Variants in UNC13C observed in about 807,000 individuals in gnomAD.
UNC13C encodes the protein protein unc-13 homolog C.
UNC13C carries 174 observed loss-of-function variants against 245.4 expected under a neutral mutation model. The ratio of observed to expected loss-of-function variants is 0.71; its 90% confidence interval spans 0.63 to 0.80. UNC13C has a LOEUF of 0.80. Among genes scored for constraint, UNC13C ranks in the 30% least tolerant of loss-of-function variants. The probability of loss-of-function intolerance (pLI) is 0.00; values close to 1 mark genes in which losing one functional copy is unlikely to be tolerated. For missense variants in UNC13C, 2,829 were observed against 2,602.9 expected, an observed-to-expected ratio of 1.09 and a Z score of -1.89; for synonymous variants, 992 against 895.1, an observed-to-expected ratio of 1.11 and a Z score of -1.93.
chr15:54,059,214 C>G lies in UNC13C; in HGVS notation c.2983+43328C>G, dbSNP rs543462007. Among the ~76,000 whole-genome samples the G allele has an allele frequency of 1.1e-3, 6 of 5,690 alleles. No homozygotes were observed. In the East Asian group the frequency reaches 0.38, roughly 356 times the overall value. The allele number at this position is 5,690 out of a possible 152,430, so 3.7% of individuals were successfully genotyped here. A position where few individuals can be genotyped will look rare whatever the true frequency, so the allele number is the denominator to read the frequency against. On this transcript the variant is annotated intron_variant, in intron 2 of 32. Coordinates refer to ENST00000260323, the MANE Select transcript of UNC13C (RefSeq NM_001080534.3). ...GACATGATTGTTTATCGAGAAAACC[C>G]CATTAGCCTCAGCCCAAAATCCCCT... is the stretch of plus-strand genomic sequence containing the variant.
chr15:54,440,090 C>A (rs1890435123), intron 19 of UNC13C, among the ~76,000 whole-genome samples: 1 of 151,718 alleles, frequency 6.6e-6, no homozygotes, highest in African/African-American at 2.4e-5. Flanking sequence ...GTGGGTTCCC[C>A]CATGCTGTTT....
chr15:54,440,546 C>G (rs1192240561), intron 19 of UNC13C, among the ~76,000 whole-genome samples: 1 of 151,954 alleles, frequency 6.6e-6, no homozygotes, highest in African/African-American at 2.4e-5. Flanking sequence ...CCATCTTTAT[C>G]CATCCATCCA....
intron 2 of UNC13C, among the ~76,000 whole-genome samples, chr15:54,080,021 T>TTTTTTTA (rs869267481): frequency 2.7e-5 from 4 of 149,188 alleles, no homozygotes; most frequent in South Asian, 2.1e-4. Context: ...TTTTTTTTTT[T>TTTTTTTA]ATCATAAAGT....
chr15:54,479,808 G>A (rs1893002542), intron 19 of UNC13C, among the ~76,000 whole-genome samples: 2 of 151,764 alleles, frequency 1.3e-5, no homozygotes, highest in South Asian at 4.1e-4. Context: ...CCAAATATAG[G>A]GATTCCTTAA....
At chr15:53,906,985 C>T in the UNC13C span, among the ~76,000 whole-genome samples, 2 of 152,040 alleles carry the variant, frequency 1.3e-5, no homozygotes, top group African/African-American at 4.8e-5. Context: ...ATCCAACCAC[C>T]CCCCTCTCTC....
chr15:54,321,648 T>C (rs555065752), intron 13 of UNC13C: 23 of 359,342 alleles, frequency 6.4e-5, no homozygotes, highest in African/African-American at 4.5e-4. Flanking sequence ...TCAGGCTCTT[T>C]CAAAAACTGA....
At chr15:54,079,842 C>G (rs1898840083) in intron 2 of UNC13C, among the ~76,000 whole-genome samples, 1 of 151,906 alleles carries the variant, frequency 6.6e-6, no homozygotes, top group African/African-American at 2.4e-5. Flanking sequence ...ACTTCCGGTA[C>G]TATGCTGAAT....
chr15:54,009,757 G>T (rs1895300199), intron 1 of UNC13C, among the ~76,000 whole-genome samples: 1 of 152,054 alleles, frequency 6.6e-6, no homozygotes, highest in South Asian at 2.1e-4. Context: ...AACTTGGCCA[G>T]GATGATCTCG....
intron 2 of UNC13C, among the ~76,000 whole-genome samples, chr15:54,033,011 A>T (rs1030115436): frequency 1.3e-5 from 2 of 152,188 alleles, no homozygotes; most frequent in Non-Finnish European, 1.5e-5. Context: ...GGTGAGAGAT[A>T]AAAGACTACA....
intron 19 of UNC13C, among the ~76,000 whole-genome samples, chr15:54,421,933 T>C (rs994040535): frequency 5.3e-5 from 8 of 152,060 alleles, no homozygotes; most frequent in African/African-American, 1.9e-4. Context: ...GATCCCTGCC[T>C]TGAGAAACTT....
chr15:53,869,677 C>G, the UNC13C span, among the ~76,000 whole-genome samples: 1 of 152,194 alleles, frequency 6.6e-6, no homozygotes, highest in Admixed American at 6.5e-5. Flanking sequence ...GGCTAAGGGT[C>G]TGAGCCCCTC....
the UNC13C span, among the ~76,000 whole-genome samples, chr15:53,866,287 G>A: frequency 1.3e-5 from 2 of 152,156 alleles, no homozygotes; most frequent in Admixed American, 6.5e-5. Flanking sequence ...TCAGAAGGCA[G>A]ATGAATTGCA....
chr15:54,181,671 T>A (rs1230683301), intron 4 of UNC13C, among the ~76,000 whole-genome samples: 3 of 151,910 alleles, frequency 2.0e-5, no homozygotes, highest in East Asian at 3.9e-4. Context: ...ATTCTTCCAA[T>A]GTATAGAGCA....
the UNC13C span, among the ~76,000 whole-genome samples, chr15:53,945,343 C>G: frequency 2.0e-5 from 3 of 152,034 alleles, no homozygotes; most frequent in Non-Finnish European, 4.4e-5. Flanking sequence ...AATGGTATTG[C>G]CTAGGTTATC....
At chr15:54,532,599 A>C (rs1895800094) in intron 25 of UNC13C, among the ~76,000 whole-genome samples, 1 of 151,468 alleles carries the variant, frequency 6.6e-6, no homozygotes, top group South Asian at 2.1e-4. Context: ...ATACTGCAAG[A>C]GTCTTTTTAG....
At chr15:54,066,794 T>C (rs1474785814) in intron 2 of UNC13C, among the ~76,000 whole-genome samples, 1 of 152,168 alleles carries the variant, frequency 6.6e-6, no homozygotes, top group East Asian at 1.9e-4. Context: ...AAAAGTGCTG[T>C]GATGTTAGTG....
chr15:54,094,519 A>T (rs975518326), intron 2 of UNC13C, among the ~76,000 whole-genome samples: 1 of 152,188 alleles, frequency 6.6e-6, no homozygotes, highest in Admixed American at 6.5e-5. Flanking sequence ...TCAACAAGCT[A>T]GACTCAAAGT....
At chr15:54,296,791 A>G (rs146011807) in intron 11 of UNC13C, among the ~76,000 whole-genome samples, 18 of 152,302 alleles carry the variant, frequency 1.2e-4, no homozygotes, top group African/African-American at 3.8e-4. Context: ...TCCTATTTTC[A>G]TTTGTGAAAT....
chr15:54,178,385 A>G (rs909824989), intron 4 of UNC13C, among the ~76,000 whole-genome samples: 1 of 152,244 alleles, frequency 6.6e-6, no homozygotes, highest in African/African-American at 2.4e-5. Flanking sequence ...TTAAAAATCG[A>G]TGGATATTTA....
Sources: gnomAD v4.1 joint callset for allele counts (sites outside exome capture counted in the v4.1 genomes callset) on GRCh38, gnomAD v4.1.1 for gene constraint, MANE v1.5 for transcripts, NCBI Gene and HGNC (gene_info 2026-07-23, HGNC 2026-07-21) for gene names.